The following ZFYVE26 variants were observed in gnomAD, a reference collection of about 807,000 sequenced individuals.
ZFYVE26 encodes zinc finger FYVE domain-containing protein 26.
A neutral mutation model predicts 276.5 loss-of-function variants in ZFYVE26; 181 were observed. The ratio of observed to expected loss-of-function variants is 0.65; its 90% CI spans 0.58 to 0.74. The LOEUF (loss-of-function observed/expected upper bound fraction) is 0.74. ZFYVE26 is among the 30% of genes least tolerant of loss of function. The pLI, the probability that ZFYVE26 is intolerant of heterozygous loss-of-function variation, is 0.00. For synonymous variants in ZFYVE26, 1,129 were observed against 1,203.1 expected (o/e 0.94, Z 1.27); for missense variants, 2,821 against 3,097.9 (o/e 0.91, Z 2.12).
exon 14 of ZFYVE26, chr14:67,729,293 T>A: frequency 6.2e-7 from 1 of 1,603,892 alleles, no homozygotes; most frequent in Non-Finnish European, 8.5e-7. Context: ...TTCTCCCCCT[T>A]TGTCAAGACG....
At chr14:67,794,038 G>T in intron 13 of ZFYVE26, 133 bp downstream of exon 13, 1 of 1,033,870 alleles carries the variant, frequency 9.7e-7, no homozygotes, top group East Asian at 2.4e-5. Context: ...CCTTCTCCCA[G>T]CTAAAATCTG....
Position 67,807,895 on chromosome 14 carries a change from C to A in ZFYVE26, c.389G>T (p.Gly130Val). 6.2e-7 allele frequency: 1 copy of A among 1,614,122 alleles called. No homozygotes were observed. The highest frequency in any genetic ancestry group is 8.5e-7 in the Non-Finnish European group (1 of 1,180,010). The part of the protein sequence containing the change: ...LEELYETLTQ[G>V]AVGHVPDGNP... ...TCCGTCAGGCACGTGGCCTACTGCA[C>A]CCTGTGTTAAGGTCTCATACAGCTC... is the stretch of plus-strand genomic sequence containing the variant. Residue 130 changes from glycine to valine, a missense_variant, in exon 5 of 42, where the codon GGT becomes GTT. Physicochemically the swap from Gly to Val is moderately radical, Grantham distance 109 (BLOSUM62 -3). Transcript: ENST00000347230.
chr14:67,760,482 T>C (rs1045222073), intron 35 of ZFYVE26, among the ~76,000 whole-genome samples: 7 of 152,184 alleles, frequency 4.6e-5, no homozygotes, highest in African/African-American at 1.7e-4. Flanking sequence ...AGAGTGAAAT[T>C]AAAGTCTGCC....
chr14:67,810,333 A>T (rs532421945), intron 3 of ZFYVE26, among the ~76,000 whole-genome samples: 2 of 152,282 alleles, frequency 1.3e-5, no homozygotes, highest in African/African-American at 4.8e-5. Context: ...TTTGTCATTC[A>T]CTATCCTTTG....
chr14:67,794,380 C>G (rs2039900565), intron 12 of ZFYVE26, 141 bp from the exon 13 acceptor site: 1 of 852,974 alleles, frequency 1.2e-6, no homozygotes, highest in African/African-American at 1.7e-5. Context: ...GCTCCTTCTA[C>G]AGCAAAACAC....
In ZFYVE26 at chr14:67,772,185, A is replaced by C; in HGVS notation, c.5346T>G (p.Ser1782Arg). 6.2e-7 allele frequency: 1 copy of C among 1,613,290 alleles called. No individual in the cohort carries two copies. Among genetic ancestry groups the C allele is most frequent in the Non-Finnish European group, 8.5e-7 (1 of 1,179,774 alleles). Residue 1782 changes from serine (S) to arginine (R), a missense_variant, in exon 28 of 42, where the codon AGT becomes AGG. Physicochemically the swap from Ser to Arg is moderately radical, Grantham distance 110. Transcript: ENST00000347230. ...TTGGTGGGAAACTCCTTTCCCTTAGACTAGGGGAATGTATACTGGAGATAC... is the reference window on the plus strand; with the variant it reads ...TTGGTGGGAAACTCCTTTCCCTTAGCCTAGGGGAATGTATACTGGAGATAC... The part of the protein sequence containing the change: ...PPGISSIHSP[S>R]LRERSFPPTQ...
chr14:67,789,189 C>T, intron 16 of ZFYVE26, 146 bp downstream of exon 16: 2 of 1,086,520 alleles, frequency 1.8e-6, no homozygotes, highest in Non-Finnish European at 2.8e-6. Context: ...TGTATTTATG[C>T]CATCAGATTG....
chr14:67,799,665 G>T (rs1764151027), intron 10 of ZFYVE26: 1 of 1,246,514 alleles, frequency 8.0e-7, no homozygotes, highest in African/African-American at 1.5e-5. Flanking sequence ...GGTAGGCAAG[G>T]TGCTGGCAAG....
intron 35 of ZFYVE26, among the ~76,000 whole-genome samples, chr14:67,756,579 A>C (rs1171784409): frequency 7.9e-5 from 12 of 152,198 alleles, no homozygotes; most frequent in Admixed American, 7.9e-4. Flanking sequence ...CCTTTTAAAA[A>C]TAATTGAGAA....
At chr14:67,767,939 G>T in intron 30 of ZFYVE26, 99 bp from the exon 31 acceptor site, 1 of 1,520,184 alleles carries the variant, frequency 6.6e-7, no homozygotes, top group Non-Finnish European at 9.1e-7. Context: ...ACACTTGCCT[G>T]CTATCTCAGG....
At position 67,775,844 on chromosome 14, in the gene ZFYVE26, G is replaced by C; in HGVS notation, c.5221+16C>G. On this transcript the variant is annotated intron_variant, in intron 26 of 41. Transcript: ENST00000347230. ...TTCCTCCATGTAGAATCCCCTTCTA[G>C]GATGCTAGCAGTTACCTGATCGTTT... 6.2e-7 allele frequency: 1 copy of C among 1,614,060 alleles called. No homozygotes were observed. The highest frequency in any genetic ancestry group is 1.3e-5 in the African/African-American group (1 of 75,042).
intron 12 of ZFYVE26, among the ~76,000 whole-genome samples, chr14:67,795,312 C>T (rs1275017681): frequency 4.6e-5 from 7 of 152,226 alleles, no homozygotes; most frequent in African/African-American, 1.2e-4. Flanking sequence ...CTTTCTCTCA[C>T]GGCATCCTCC....
At chr14:67,799,547 A>C in intron 10 of ZFYVE26, 1 of 1,536,646 alleles carries the variant, frequency 6.5e-7, no homozygotes, top group Non-Finnish European at 9.0e-7. Flanking sequence ...GATGGAAGCA[A>C]AGTACTGCAA....
At chr14:67,758,261 G>A (rs978075551) in intron 35 of ZFYVE26, among the ~76,000 whole-genome samples, 5 of 152,158 alleles carry the variant, frequency 3.3e-5, no homozygotes, top group African/African-American at 1.2e-4. Flanking sequence ...CCTGATTCAG[G>A]TTGTTCCTAA....
At position 67,754,999 on chromosome 14, in the gene ZFYVE26, C is replaced by A. The variant is rs369764145; in HGVS notation, c.6986+52G>T. ...GAGTAGCTTCATCACCTACAGACAA[C>A]TGCTCCCACCCTTTCTGCCCCACAC... is the stretch of plus-strand genomic sequence containing the variant. On this transcript the variant is annotated intron_variant, in intron 37 of 41. Transcript: ENST00000347230. 4 of 1,599,984 alleles carry A rather than the reference C, an allele frequency of 2.5e-6. No homozygotes were observed. The African/African-American group carries it at 5.4e-5, about 21-fold the overall frequency.
chr14:67,805,975 C>T (rs377586739), intron 6 of ZFYVE26, among the ~76,000 whole-genome samples: 82 of 152,240 alleles, frequency 5.4e-4, no homozygotes, highest in African/African-American at 1.8e-3. Flanking sequence ...TGCAATGAGC[C>T]GAGATCGCGC....
At position 67,762,104 on chromosome 14, in the gene ZFYVE26, T is replaced by C. The variant is rs2038946683; in HGVS notation, c.6369+99A>G. ...AACCTGCTTGATGCTGAGCCAGGAC[T>C]GACACTGTTAGCTGAATTTCCACTG... is the stretch of plus-strand genomic sequence containing the variant. On this transcript the variant is annotated intron_variant, in intron 34 of 41. Transcript: ENST00000347230. 6 of 1,428,492 alleles carry C rather than the reference T, an allele frequency of 4.2e-6. No individual in the cohort carries two copies. In the South Asian group the frequency reaches 5.8e-5, roughly 14 times the overall value. The allele number at this position is 1,428,492 out of a possible 1,614,324, so 88.5% of individuals were successfully genotyped here. A position where few individuals can be genotyped will look rare whatever the true frequency, so the allele number is the denominator to read the frequency against.
chr14:67,742,838 C>CTTCTTTTTTTT (rs769663149), downstream of ZFYVE26, among the ~76,000 whole-genome samples: 246 of 89,738 alleles, frequency 2.7e-3, no homozygotes, highest in Non-Finnish European at 3.5e-3. Flanking sequence ...TCTTCTTCTT[C>CTTCTTTTTTTT]TTTTTTTTTT....
Position 67,755,059 on chromosome 14 carries a change from A to T in ZFYVE26, c.6978T>A (p.Asp2326Glu). 6.2e-7 allele frequency: 1 copy of T among 1,613,900 alleles called. No individual in the cohort carries two copies. Among genetic ancestry groups the T allele is most frequent in the Non-Finnish European group, 8.5e-7 (1 of 1,180,002 alleles). The change falls in exon 37 of 42, where the codon GAT becomes GAA. Residue 2326 changes from aspartate (D) to glutamate (E), a missense_variant. Asp to Glu is a conservative substitution (Grantham distance 45). Transcript: ENST00000347230. ...TFFRKKMTAA[D>E]VSRHMNTLQL... Reference sequence around the variant, plus strand: ...CCTGAACCTCCAGCTACCTTGACACATCAGCTGCAGTCATCTTCTTTCTGA... The same window carrying T: ...CCTGAACCTCCAGCTACCTTGACACTTCAGCTGCAGTCATCTTCTTTCTGA...
Sources: allele counts gnomAD v4.1 joint callset (sites outside exome capture counted in the v4.1 genomes callset), GRCh38; gene constraint gnomAD v4.1.1; transcripts MANE v1.5; gene names NCBI Gene and HGNC (gene_info 2026-07-23, HGNC 2026-07-21).